The following OSBPL11 variants were observed in gnomAD, a reference collection of about 807,000 sequenced individuals.
OSBPL11 encodes oxysterol-binding protein-related protein 11.
A neutral mutation model predicts 84.4 loss-of-function variants in OSBPL11; 33 were observed. That is an observed-to-expected ratio of 0.39 (90% CI 0.30 to 0.52). The LOEUF is 0.52. Among genes scored for constraint, OSBPL11 ranks in the 20% least tolerant of loss-of-function variants. OSBPL11 has a pLI of 0.72. For missense variants in OSBPL11, 736 were observed against 901.1 expected (o/e 0.82, Z 2.35); for synonymous variants, 276 against 310.2 (o/e 0.89, Z 1.16).
chr3:125,578,773 A>C (rs1936373101), intron 4 of OSBPL11, among the ~76,000 whole-genome samples, 187 bp downstream of exon 4: 6 of 152,078 alleles, frequency 3.9e-5, no homozygotes, highest in Admixed American at 3.9e-4. Context: ...TCCGTCTCAA[A>C]AAAAAAAAGA....
intron 5 of OSBPL11, among the ~76,000 whole-genome samples, chr3:125,571,505 T>C (rs1236108967): frequency 1.3e-5 from 2 of 152,148 alleles, no homozygotes; most frequent in East Asian, 1.9e-4. Context: ...CCTCTCATCA[T>C]AGGCCCGGAG....
intron 10 of OSBPL11, among the ~76,000 whole-genome samples, chr3:125,540,775 CT>C (rs746055334): frequency 1.3e-5 from 2 of 152,150 alleles, no homozygotes; most frequent in Non-Finnish European, 2.9e-5. Context: ...CTCATGACTG[CT>C]GGGTATTACA....
intron 8 of OSBPL11, 93 bp from the exon 9 acceptor site, chr3:125,552,772 A>T: frequency 7.2e-7 from 1 of 1,388,082 alleles, no homozygotes. Context: ...TTCATTCTAG[A>T]TGGGTATTAA....
At chr3:125,538,021 C>T (rs1199652126) in intron 11 of OSBPL11, among the ~76,000 whole-genome samples, 5 of 152,086 alleles carry the variant, frequency 3.3e-5, no homozygotes, top group Non-Finnish European at 5.9e-5. Flanking sequence ...TAATTTGTAC[C>T]TCTGAATTCT....
intron 1 of OSBPL11, among the ~76,000 whole-genome samples, chr3:125,586,875 A>G (rs947078308): frequency 2.0e-5 from 3 of 152,204 alleles, no homozygotes; most frequent in Non-Finnish European, 4.4e-5. Context: ...TTTTAAAATT[A>G]AGCTACCTTT....
rs1936176843 is a variant in OSBPL11, at chr3:125,567,477, A to G, written c.785T>C (p.Met262Thr). ...GTCATTTAAGCAGTTCATAGTTGCC[A>G]TGGAAGTAGCTTTGAGCATTAAGAG... ...QDLLMLKATS[M>T]ATMNCLNDCF... is the part of the protein sequence containing the mutation. Residue 262 changes from methionine to threonine, a missense_variant, in exon 6 of 13, where the codon ATG becomes ACG. Met to Thr is a moderately conservative substitution (Grantham distance 81). Transcript: ENST00000296220. 1 of 1,614,138 alleles carries G rather than the reference A, an allele frequency of 6.2e-7. No individual in the cohort carries two copies. Among genetic ancestry groups the G allele is most frequent in the South Asian group, 1.1e-5 (1 of 91,080 alleles).
intron 9 of OSBPL11, among the ~76,000 whole-genome samples, chr3:125,548,866 A>G (rs1203390553): frequency 7.3e-5 from 11 of 150,580 alleles, no homozygotes; most frequent in African/African-American, 2.7e-4. Flanking sequence ...ACACAAAGCA[A>G]CATCAACTAT....
chr3:125,553,437 C>G (rs1358005095), intron 8 of OSBPL11, among the ~76,000 whole-genome samples: 2 of 152,104 alleles, frequency 1.3e-5, no homozygotes, highest in Non-Finnish European at 2.9e-5. Flanking sequence ...AGAACTATTT[C>G]CAATAAGAGA....
intron 11 of OSBPL11, among the ~76,000 whole-genome samples, chr3:125,532,996 A>G (rs963630778): frequency 2.6e-5 from 4 of 151,932 alleles, no homozygotes; most frequent in Admixed American, 2.0e-4. Flanking sequence ...AAATTTATAG[A>G]GACAGAAAGT....
Position 125,594,840 on chromosome 3 carries a change from G to C in OSBPL11, c.-40C>G. The C allele has an allele frequency of 6.3e-7, 1 of 1,596,490 alleles. No individual in the cohort carries two copies. Among genetic ancestry groups the C allele is most frequent in the Non-Finnish European group, 8.5e-7 (1 of 1,170,392 alleles). On this transcript the variant is annotated 5_prime_UTR_variant, in exon 1 of 13. Coordinates refer to ENST00000296220, the MANE Select transcript of OSBPL11 (RefSeq NM_022776.5). ...CCACTTGCCCTTCTTGAGCGGGAGAGAACAATTCTGTAGTTCTGTAGGTGA... is the reference window on the plus strand; with the variant it reads ...CCACTTGCCCTTCTTGAGCGGGAGACAACAATTCTGTAGTTCTGTAGGTGA...
rs372949383 is a variant in OSBPL11 at position 125,561,110 on chromosome 3, G to A, written c.1015-591C>T. ...CCTCCTGGGTTCAAGCGATTCTCCT[G>A]CCTCACCCTCCCAAGTAGCTGGGAC... On this transcript the variant is annotated intron_variant, in intron 7 of 12. Transcript: ENST00000296220. 6.6e-5 allele frequency among the ~76,000 whole-genome samples: 10 copies of A among 151,936 alleles called. No homozygotes were observed. The South Asian group carries it at 2.1e-3, about 32-fold the overall frequency.
In OSBPL11 at chr3:125,553,744, A is replaced by G. The variant is rs141383203; in HGVS notation, c.1156-1065T>C. Among the ~76,000 whole-genome samples the G allele has an allele frequency of 2.9e-3, 448 of 152,352 alleles. 2 individuals are homozygous for G. The highest frequency in any genetic ancestry group is 9.8e-3 in the African/African-American group (407 of 41,588). On this transcript the variant is annotated intron_variant, in intron 8 of 12. Coordinates refer to ENST00000296220, the MANE Select transcript of OSBPL11 (RefSeq NM_022776.5). The stretch of plus-strand genomic sequence containing the variant: ...GTAGGGAACTTTCATTTAATTGACT[A>G]TTATAGTCATTTAAAAAGACGGTTT...
At chr3:125,541,955 T>C (rs961841397) in intron 10 of OSBPL11, among the ~76,000 whole-genome samples, 7 of 152,232 alleles carry the variant, frequency 4.6e-5, no homozygotes, top group African/African-American at 1.7e-4. Flanking sequence ...AGTCCGGTTC[T>C]TCCCAATACT....
intron 8 of OSBPL11, 60 bp downstream of exon 8, chr3:125,560,319 A>G (rs1161544333): frequency 2.3e-6 from 3 of 1,310,694 alleles, no homozygotes; most frequent in Non-Finnish European, 3.0e-6. Flanking sequence ...TGACATAAAC[A>G]TGAACAATTA....
At chr3:125,536,368 C>G (rs1259489144) in intron 11 of OSBPL11, among the ~76,000 whole-genome samples, 1 of 152,112 alleles carries the variant, frequency 6.6e-6, no homozygotes, top group Non-Finnish European at 1.5e-5. Context: ...TTTATCCATG[C>G]ATGATTCTGT....
intron 1 of OSBPL11, 140 bp downstream of exon 1, chr3:125,594,497 C>T: frequency 1.0e-6 from 1 of 997,162 alleles, no homozygotes; most frequent in Non-Finnish European, 1.5e-6. Flanking sequence ...GGCGAGGTCC[C>T]AGATCCAAAC....
At chr3:125,564,127 A>G (rs570101271) in intron 6 of OSBPL11, among the ~76,000 whole-genome samples, 1 of 152,356 alleles carries the variant, frequency 6.6e-6, no homozygotes, top group African/African-American at 2.4e-5. Flanking sequence ...CACGAAGTAT[A>G]TTCCCAACCT....
intron 6 of OSBPL11, among the ~76,000 whole-genome samples, chr3:125,564,475 A>G (rs1463161905): frequency 6.6e-6 from 1 of 152,172 alleles, no homozygotes; most frequent in Non-Finnish European, 1.5e-5. Flanking sequence ...TAATGATTCA[A>G]ATGTCTCTTG....
chr3:125,565,586 T>C (rs1936141390), intron 6 of OSBPL11, among the ~76,000 whole-genome samples: 2 of 152,056 alleles, frequency 1.3e-5, no homozygotes, highest in South Asian at 4.1e-4. Context: ...AGAGAAAACC[T>C]GGGATGGGGA....
Sources: allele counts gnomAD v4.1 joint callset (sites outside exome capture counted in the v4.1 genomes callset), GRCh38; gene constraint gnomAD v4.1.1; transcripts MANE v1.5; gene names NCBI Gene and HGNC (gene_info 2026-07-23, HGNC 2026-07-21).